Variants in GLDC observed in about 807,000 individuals in gnomAD.
GLDC encodes the protein glycine decarboxylase.
A neutral mutation model predicts 121.3 loss-of-function variants in GLDC; 104 were observed. That is an observed-to-expected ratio of 0.86 (90% CI 0.73 to 1.01). The LOEUF (loss-of-function observed/expected upper bound fraction) is 1.01. GLDC is among the 50% of genes least tolerant of loss of function. The pLI is 0.00. For synonymous variants in GLDC, 546 were observed against 480.6 expected (o/e 1.14, Z -1.78); for missense variants, 1,429 against 1,306.6 (o/e 1.09, Z -1.44).
intron 2 of GLDC, among the ~76,000 whole-genome samples, chr9:6,644,029 CAAAAAAAAA>C (rs531081758): frequency 5.5e-5 from 1 of 18,334 alleles, no homozygotes; most frequent in Non-Finnish European, 9.8e-5. Context: ...GATTCTGTCT[CAAAAAAAAA>C]AAAAAAAAAA....
intron 17 of GLDC, chr9:6,557,674 A>T (rs989896176): frequency 2.0e-5 from 3 of 152,180 alleles, no homozygotes; most frequent in African/African-American, 4.8e-5. Context: ...TGTTTCTGTA[A>T]ATAAAAGTCT....
At chr9:6,629,957 A>T (rs71490277) in intron 2 of GLDC, among the ~76,000 whole-genome samples, 15,157 of 83,054 alleles carry the variant, frequency 0.18, 1,993 homozygotes, top group African/African-American at 0.29. Flanking sequence ...ATATATATAT[A>T]TTTTTTTTTT....
Position 6,554,547 on chromosome 9 carries a change from T to C in GLDC, c.2315+122A>G, listed in dbSNP as rs1817578466. The C allele has an allele frequency of 3.9e-6, 3 of 765,538 alleles. No individual in the cohort carries two copies. The East Asian group carries it at 8.0e-5, about 20-fold the overall frequency. The allele number at this position is 765,538 out of a possible 1,614,324, so 47.4% of individuals were successfully genotyped here. A position where few individuals can be genotyped will look rare whatever the true frequency, so the allele number is the denominator to read the frequency against. ...CTGCTCCTCCCCCAGCCCCTACAAGTGCACTACACCGATGAGGGTATCCTC... is the reference window on the plus strand; with the variant it reads ...CTGCTCCTCCCCCAGCCCCTACAAGCGCACTACACCGATGAGGGTATCCTC... On this transcript the variant is annotated intron_variant, in intron 19 of 24. Transcript: ENST00000321612.
intron 15 of GLDC, among the ~76,000 whole-genome samples, chr9:6,579,336 A>G (rs574744265): frequency 6.6e-6 from 1 of 152,204 alleles, no homozygotes; most frequent in African/African-American, 2.4e-5. Flanking sequence ...ATGAATATTA[A>G]TTAACTCTTC....
At chr9:6,540,841 CCT>C (rs1421588046) in intron 21 of GLDC, 4 of 152,286 alleles carry the variant, frequency 2.6e-5, no homozygotes, top group African/African-American at 9.7e-5. Context: ...TTTATTTGAG[CCT>C]CATGTGGGCA....
intron 15 of GLDC, among the ~76,000 whole-genome samples, chr9:6,581,854 T>C (rs1214184815): frequency 1.3e-5 from 2 of 152,172 alleles, no homozygotes; most frequent in Non-Finnish European, 2.9e-5. Context: ...CAAAAAACAC[T>C]GTAAACAGTG....
intron 15 of GLDC, among the ~76,000 whole-genome samples, chr9:6,574,236 G>C (rs758567886): frequency 6.6e-6 from 1 of 152,068 alleles, no homozygotes; most frequent in African/African-American, 2.4e-5. Flanking sequence ...CCAGAACTTC[G>C]GGAGGCAGAT....
At chr9:6,598,625 G>C (rs1366638298) in intron 8 of GLDC, among the ~76,000 whole-genome samples, 1 of 152,180 alleles carries the variant, frequency 6.6e-6, no homozygotes, top group Non-Finnish European at 1.5e-5. Flanking sequence ...TAACAAAACA[G>C]GGAGACTTGC....
chr9:6,585,823 A>G (rs927857278), intron 15 of GLDC, among the ~76,000 whole-genome samples: 3 of 151,112 alleles, frequency 2.0e-5, no homozygotes, highest in African/African-American at 7.3e-5. Flanking sequence ...CTGCCCATCT[A>G]TCATTCATCT....
At chr9:6,552,427 T>C (rs1365160102) in intron 20 of GLDC, among the ~76,000 whole-genome samples, 1 of 152,228 alleles carries the variant, frequency 6.6e-6, no homozygotes, top group African/African-American at 2.4e-5. Context: ...AGCAGACCTT[T>C]ATTCTGATTG....
intron 11 of GLDC, among the ~76,000 whole-genome samples, chr9:6,589,657 G>A (rs1189206384): frequency 6.6e-6 from 1 of 152,106 alleles, no homozygotes; most frequent in Non-Finnish European, 1.5e-5. Context: ...AAACTCCTGG[G>A]CTCAAGCAAT....
intron 2 of GLDC, among the ~76,000 whole-genome samples, chr9:6,626,496 T>G (rs1819240889): frequency 6.6e-6 from 1 of 151,326 alleles, no homozygotes; most frequent in Non-Finnish European, 1.5e-5. Context: ...ACTAAGATGG[T>G]GCCTGCCACT....
rs1198628246 is a variant in GLDC, at chr9:6,587,182, A to C, written c.1809T>G (p.Cys603Trp). 4 of 1,613,812 alleles carry C rather than the reference A, an allele frequency of 2.5e-6. No homozygotes were observed. The highest frequency in any genetic ancestry group is 2.7e-5 in the African/African-American group (2 of 74,926). The change falls in exon 15 of 25, where the codon TGT (cysteine) becomes TGG (tryptophan). Residue 603 changes from cysteine (C) to tryptophan (W), a missense_variant. By Grantham distance (215) the Cys-to-Trp change is radical. Transcript: ENST00000321612. ...AGACCTGGTCATAACCTGTGAGTTC[A>C]CACAAATCCTTCTCAAGCTCTCGGA... Reference protein sequence around the residue: ...QLFRELEKDLCELTGYDQVCF... With the variant: ...QLFRELEKDLWELTGYDQVCF...
chr9:6,541,340 T>C (rs560807217), intron 21 of GLDC: 1 of 152,294 alleles, frequency 6.6e-6, no homozygotes, highest in South Asian at 2.1e-4. Context: ...TCCAGGAAAG[T>C]ATCTACTCAT....
At chr9:6,613,096 G>T (rs562358260) in intron 3 of GLDC, among the ~76,000 whole-genome samples, 58 of 152,154 alleles carry the variant, frequency 3.8e-4, no homozygotes, top group African/African-American at 1.3e-3. Flanking sequence ...TCTTTTTATT[G>T]TATGTTCCAA....
At chr9:6,607,124 G>C (rs1818751529) in intron 4 of GLDC, among the ~76,000 whole-genome samples, 1 of 152,098 alleles carries the variant, frequency 6.6e-6, no homozygotes, top group Admixed American at 6.5e-5. Flanking sequence ...TTACTGATTA[G>C]CATTCCTCAT....
chr9:6,541,097 A>G (rs1465986099), intron 21 of GLDC: 1 of 152,192 alleles, frequency 6.6e-6, no homozygotes. Context: ...TGTCTCAAAA[A>G]AATAAATATA....
At chr9:6,565,802 T>G (rs762706407) in intron 15 of GLDC, 14 of 476,052 alleles carry the variant, frequency 2.9e-5, no homozygotes, top group Non-Finnish European at 4.5e-5. Flanking sequence ...GCTGTAACAA[T>G]TTGGTTTACG....
chr9:6,617,112 T>G (rs1818981773), intron 3 of GLDC, among the ~76,000 whole-genome samples: 1 of 152,186 alleles, frequency 6.6e-6, no homozygotes, highest in Non-Finnish European at 1.5e-5. Context: ...TCTCCGGAAT[T>G]TGTTGGTTCC....
Sources: allele counts gnomAD v4.1 joint callset (sites outside exome capture counted in the v4.1 genomes callset), GRCh38; gene constraint gnomAD v4.1.1; transcripts MANE v1.5; gene names NCBI Gene and HGNC (gene_info 2026-07-23, HGNC 2026-07-21).